Variants in REDIC1 observed in about 807,000 individuals in gnomAD.
REDIC1 encodes the protein regulator of DNA class I crossover intermediates 1.
chr12:39,890,355 T>C, the REDIC1 span, among the ~76,000 whole-genome samples: 1 of 152,182 alleles, frequency 6.6e-6, no homozygotes, highest in African/African-American at 2.4e-5. Context: ...AGAATATCTA[T>C]CCTCAAAGCT....
chr12:39,846,614 G>C, the REDIC1 span, among the ~76,000 whole-genome samples: 1 of 152,100 alleles, frequency 6.6e-6, no homozygotes, highest in Non-Finnish European at 1.5e-5. Flanking sequence ...AACATGTGTG[G>C]CTAATTTTTT....
chr12:39,891,988 G>A, the REDIC1 span, among the ~76,000 whole-genome samples: 1 of 152,060 alleles, frequency 6.6e-6, no homozygotes, highest in Non-Finnish European at 1.5e-5. Context: ...TTTTTACTAG[G>A]TTTAATCAAG....
chr12:39,626,981 C>G, the REDIC1 span, among the ~76,000 whole-genome samples: 7 of 152,124 alleles, frequency 4.6e-5, no homozygotes, highest in Non-Finnish European at 1.0e-4. Context: ...TTGTTATTGA[C>G]CTTAAAGTCC....
At chr12:39,668,087 G>A in the REDIC1 span, among the ~76,000 whole-genome samples, 2 of 151,814 alleles carry the variant, frequency 1.3e-5, no homozygotes, top group Non-Finnish European at 2.9e-5. Flanking sequence ...ATATTGTTAT[G>A]TGTGAATTTG....
chr12:39,713,969 G>A, the REDIC1 span, among the ~76,000 whole-genome samples: 1 of 147,562 alleles, frequency 6.8e-6, no homozygotes, highest in African/African-American at 2.5e-5. Flanking sequence ...ATACAGGTAT[G>A]TGCATATACG....
chr12:39,667,489 A>G, the REDIC1 span, among the ~76,000 whole-genome samples: 1 of 152,180 alleles, frequency 6.6e-6, no homozygotes, highest in African/African-American at 2.4e-5. Flanking sequence ...ACTTCCAACT[A>G]TGTGGTCAAT....
At chr12:39,664,719 A>G in the REDIC1 span, among the ~76,000 whole-genome samples, 1 of 152,150 alleles carries the variant, frequency 6.6e-6, no homozygotes, top group Admixed American at 6.6e-5. Context: ...CTATTTCTCC[A>G]TATCCTCTCC....
At chr12:39,891,975 AT>A in the REDIC1 span, among the ~76,000 whole-genome samples, 1,177 of 152,278 alleles carry the variant, frequency 7.7e-3, 18 homozygotes, top group African/African-American at 0.027. Context: ...TATCTGAACG[AT>A]TTTTTTACTA....
the REDIC1 span, among the ~76,000 whole-genome samples, chr12:39,847,032 T>C: frequency 6.6e-6 from 1 of 152,224 alleles, no homozygotes; most frequent in Non-Finnish European, 1.5e-5. Flanking sequence ...ATGAAAGAGA[T>C]ATTAATGATT....
chr12:39,811,083 T>G, the REDIC1 span, among the ~76,000 whole-genome samples: 6 of 152,098 alleles, frequency 3.9e-5, no homozygotes, highest in Admixed American at 3.9e-4. Flanking sequence ...AATTTGATTT[T>G]TTAAATAGAT....
chr12:39,872,331 G>T, the REDIC1 span, among the ~76,000 whole-genome samples: 1 of 152,182 alleles, frequency 6.6e-6, no homozygotes, highest in Admixed American at 6.5e-5. Flanking sequence ...TCCATGGAAT[G>T]AATCAGAAGT....
the REDIC1 span, chr12:39,760,115 C>CTGAAG: frequency 6.2e-7 from 1 of 1,612,978 alleles, no homozygotes; most frequent in Admixed American, 1.7e-5. Context: ...TCATCAGAAT[C>CTGAAG]TGAAGTGCCA....
At chr12:39,687,359 A>T in the REDIC1 span, among the ~76,000 whole-genome samples, 1 of 152,226 alleles carries the variant, frequency 6.6e-6, no homozygotes, top group Admixed American at 6.5e-5. Context: ...CACATGCTGT[A>T]TAGGAAGCAG....
the REDIC1 span, among the ~76,000 whole-genome samples, chr12:39,894,526 C>A: frequency 1.3e-5 from 2 of 152,310 alleles, no homozygotes; most frequent in East Asian, 1.9e-4. Context: ...TGTCCTCCTG[C>A]TGAATTGATT....
chr12:39,644,760 A>T, the REDIC1 span, among the ~76,000 whole-genome samples: 68 of 152,034 alleles, frequency 4.5e-4, no homozygotes, highest in African/African-American at 1.6e-3. Context: ...TCGTAGGGGA[A>T]TAAAAATATA....
chr12:39,690,286 G>A, the REDIC1 span, among the ~76,000 whole-genome samples: 4 of 152,214 alleles, frequency 2.6e-5, no homozygotes, highest in Non-Finnish European at 4.4e-5. Flanking sequence ...TTTGATGGGA[G>A]TGGGAGAGAA....
chr12:39,716,669 T>C, the REDIC1 span: 1 of 958,396 alleles, frequency 1.0e-6, no homozygotes, highest in Admixed American at 2.8e-5. Context: ...TAAATTTGTT[T>C]TACCAGCAGA....
At chr12:39,707,934 T>G in the REDIC1 span, among the ~76,000 whole-genome samples, 12 of 151,914 alleles carry the variant, frequency 7.9e-5, no homozygotes, top group Admixed American at 4.6e-4. Flanking sequence ...ATGTTCTCAC[T>G]TATTTATGGA....
the REDIC1 span, among the ~76,000 whole-genome samples, chr12:39,883,847 A>G: frequency 1.3e-5 from 2 of 152,324 alleles, no homozygotes; most frequent in East Asian, 3.9e-4. Flanking sequence ...AGGAACATGC[A>G]GGATGAAGTG....
Sources: allele counts gnomAD v4.1 joint callset (sites outside exome capture counted in the v4.1 genomes callset), GRCh38; gene constraint gnomAD v4.1.1; transcripts MANE v1.5; gene names NCBI Gene and HGNC (gene_info 2026-07-23, HGNC 2026-07-21).